The following IQSEC1 variants were observed in gnomAD, a reference collection of about 807,000 sequenced individuals.
IQSEC1 encodes the protein IQ motif and SEC7 domain-containing protein 1.
IQSEC1 carries 31 observed loss-of-function variants against 91.0 expected under a neutral mutation model. That is an observed-to-expected ratio of 0.34 (90% CI 0.26 to 0.46). IQSEC1 has a LOEUF of 0.46. Among genes scored for constraint, IQSEC1 ranks in the 20% least tolerant of loss-of-function variants. The probability of loss-of-function intolerance (pLI) is 1.00; values close to 1 mark genes in which losing one functional copy is unlikely to be tolerated. For missense variants in IQSEC1, 1,388 were observed against 1,575.6 expected, an observed-to-expected ratio of 0.88 and a Z score of 2.02; for synonymous variants, 699 against 662.6, an observed-to-expected ratio of 1.05 and a Z score of -0.84.
At chr3:13,028,330 C>G (rs1365599313) in intron 1 of IQSEC1, among the ~76,000 whole-genome samples, 1 of 152,366 alleles carries the variant, frequency 6.6e-6, no homozygotes, top group South Asian at 2.1e-4. Flanking sequence ...GGGCCAGGGA[C>G]TGCTCACCGT....
chr3:13,258,807 C>T (rs996480810), intron 1 of IQSEC1, among the ~76,000 whole-genome samples: 1 of 152,220 alleles, frequency 6.6e-6, no homozygotes, highest in Non-Finnish European at 1.5e-5. Flanking sequence ...CGCTGCGAAT[C>T]GCACCCTCGC....
At chr3:13,205,896 C>T (rs1162974479) in intron 1 of IQSEC1, among the ~76,000 whole-genome samples, 6 of 148,966 alleles carry the variant, frequency 4.0e-5, no homozygotes, top group African/African-American at 1.2e-4. Flanking sequence ...ATTCATCCCC[C>T]ATCCCCCATC....
chr3:13,128,205 A>G (rs1053592626), intron 2 of IQSEC1, among the ~76,000 whole-genome samples: 4 of 152,216 alleles, frequency 2.6e-5, no homozygotes, highest in African/African-American at 9.6e-5. Context: ...TGATATGTTG[A>G]ATCACAGTAG....
rs531061235 is a variant in IQSEC1 at position 12,901,439 on chromosome 3, G to A, written c.2889C>T (p.Pro963=). The A allele has an allele frequency of 5.2e-4, 807 of 1,548,432 alleles. 1 individual carries two copies. Among genetic ancestry groups the A allele is most frequent in the Non-Finnish European group, 5.2e-4 (598 of 1,146,572 alleles). ...AGGAGCCCAGGAGGGAAGATGAGTT[G>A]GGCATAGTCTGGTGTGGGCGAGATG... is the stretch of plus-strand genomic sequence containing the variant. The part of the protein sequence containing the change: ...ECPSRPHQTM[P]NSSSLLGSLF... Residue 963 remains proline, a synonymous_variant, in exon 14 of 14, where the codon CCC becomes CCT. Coordinates refer to ENST00000613206, the MANE Select transcript of IQSEC1 (RefSeq NM_001134382.3).
intron 1 of IQSEC1, among the ~76,000 whole-genome samples, chr3:12,993,875 C>A (rs1303328863): frequency 1.3e-5 from 2 of 152,122 alleles, no homozygotes; most frequent in African/African-American, 4.8e-5. Context: ...CCTTCCGAGA[C>A]CCGCTCCGCG....
chr3:13,153,031 C>T (rs1707025996), intron 2 of IQSEC1, among the ~76,000 whole-genome samples: 1 of 151,714 alleles, frequency 6.6e-6, no homozygotes, highest in African/African-American at 2.4e-5. Flanking sequence ...TCCTCCCTCC[C>T]ATGCCTCCCC....
At chr3:13,254,631 C>T (rs1338906589) in intron 1 of IQSEC1, among the ~76,000 whole-genome samples, 2 of 152,260 alleles carry the variant, frequency 1.3e-5, no homozygotes, top group Non-Finnish European at 2.9e-5. Flanking sequence ...AAAGCCCAAA[C>T]CGCAGGCAAA....
At chr3:13,030,086 G>A (rs1327287073) in intron 1 of IQSEC1, among the ~76,000 whole-genome samples, 2 of 152,294 alleles carry the variant, frequency 1.3e-5, no homozygotes, top group South Asian at 2.1e-4. Context: ...TTACAGGCGT[G>A]AGCCATCATG....
chr3:12,996,566 G>C (rs1255581784), intron 1 of IQSEC1, among the ~76,000 whole-genome samples: 2 of 151,994 alleles, frequency 1.3e-5, no homozygotes, highest in African/African-American at 4.8e-5. Context: ...TTAAAACTAT[G>C]TAAATGGAAT....
At chr3:12,944,692 G>A (rs914441128) in intron 1 of IQSEC1, among the ~76,000 whole-genome samples, 8 of 152,214 alleles carry the variant, frequency 5.3e-5, no homozygotes, top group African/African-American at 1.9e-4. Context: ...AGATGCAGCC[G>A]GGCCTCCGCT....
intron 12 of IQSEC1, 78 bp from the exon 13 acceptor site, chr3:12,902,900 G>A: frequency 9.3e-7 from 1 of 1,076,800 alleles, no homozygotes; most frequent in Admixed American, 1.8e-5. Flanking sequence ...CCACGCTGCT[G>A]CCACGGAGCC....
At chr3:13,073,557 T>G (rs1217440846), upstream of IQSEC1, among the ~76,000 whole-genome samples, 15 of 151,686 alleles carry the variant, frequency 9.9e-5, no homozygotes, top group African/African-American at 2.9e-4. Flanking sequence ...GCGCGGCCGC[T>G]CGGCTGCGCC....
intron 1 of IQSEC1, among the ~76,000 whole-genome samples, chr3:13,206,355 A>C (rs982050480): frequency 6.6e-6 from 1 of 152,226 alleles, no homozygotes; most frequent in Non-Finnish European, 1.5e-5. Flanking sequence ...AAAAGAGGAA[A>C]GTCTAATGGC....
In IQSEC1 at chr3:13,185,212, C is replaced by CA. The variant is rs1693910411; in HGVS notation, c.273-21080dup. Among the ~76,000 whole-genome samples, 4 of 152,302 alleles carry CA rather than the reference C, an allele frequency of 2.6e-5. No homozygotes were observed. In the South Asian group the frequency reaches 8.3e-4, roughly 32 times the overall value. ...CTTACGCAAGTGGCTTGACCTAAGA[C>CA]ACCTCATCTGTCAATGGGAGTTGTC... On this transcript the variant is annotated intron_variant, in intron 1 of 15. Transcript: ENST00000648114.
intron 1 of IQSEC1, among the ~76,000 whole-genome samples, chr3:13,174,169 T>A (rs922972555): frequency 6.6e-6 from 1 of 152,098 alleles, no homozygotes; most frequent in Non-Finnish European, 1.5e-5. Context: ...CTGAATCTTG[T>A]GCACACAGAA....
At chr3:13,020,197 C>T (rs998649084) in intron 1 of IQSEC1, among the ~76,000 whole-genome samples, 7 of 152,232 alleles carry the variant, frequency 4.6e-5, no homozygotes, top group African/African-American at 1.4e-4. Context: ...AGGACTCACC[C>T]GCTGCCTGGC....
chr3:13,158,865 G>A (rs1191850527), intron 2 of IQSEC1, among the ~76,000 whole-genome samples: 1 of 152,262 alleles, frequency 6.6e-6, no homozygotes, highest in African/African-American at 2.4e-5. Flanking sequence ...AGGAGGCTGA[G>A]GCACGAGAAT....
At chr3:13,141,641 C>T (rs1400388408) in intron 2 of IQSEC1, among the ~76,000 whole-genome samples, 2 of 152,214 alleles carry the variant, frequency 1.3e-5, no homozygotes, top group African/African-American at 2.4e-5. Flanking sequence ...AGAAACTGGA[C>T]TCACCCAGAA....
At chr3:12,918,883 A>G (rs1296843459) in intron 6 of IQSEC1, among the ~76,000 whole-genome samples, 1 of 152,238 alleles carries the variant, frequency 6.6e-6, no homozygotes, top group African/African-American at 2.4e-5. Flanking sequence ...CTGGGCTGCC[A>G]GAGGGACCTC....
Sources: allele counts gnomAD v4.1 joint callset (sites outside exome capture counted in the v4.1 genomes callset), GRCh38; gene constraint gnomAD v4.1.1; transcripts MANE v1.5; gene names NCBI Gene and HGNC (gene_info 2026-07-23, HGNC 2026-07-21).